Variants in GIGYF2 observed in about 807,000 individuals in gnomAD.
The protein encoded by GIGYF2 is GRB10 interacting GYF protein 2, also known as GRB10-interacting GYF protein 2.
In GIGYF2, 25 loss-of-function variants were observed where a neutral mutation model predicts 208.1. The ratio of observed to expected loss-of-function variants is 0.12; its 90% CI spans 0.09 to 0.17. The LOEUF is 0.17. Ranked by LOEUF, GIGYF2 falls within the 10% of genes least tolerant of loss-of-function variation. GIGYF2 has a pLI of 1.00. For missense variants in GIGYF2, 1,302 were observed against 1,579.4 expected, an observed-to-expected ratio of 0.82 and a Z score of 2.98; for synonymous variants, 534 against 543.8, an observed-to-expected ratio of 0.98 and a Z score of 0.25.
At chr2:232,796,289 A>G in intron 14 of GIGYF2, 68 bp downstream of exon 14, 1 of 1,003,148 alleles carries the variant, frequency 1.0e-6, no homozygotes, top group South Asian at 1.3e-5. Context: ...CTAAGAAGGG[A>G]TTTGTTTAAT....
intron 8 of GIGYF2, among the ~76,000 whole-genome samples, chr2:232,774,186 A>G (rs1188108460): frequency 6.6e-6 from 1 of 152,120 alleles, no homozygotes; most frequent in Non-Finnish European, 1.5e-5. Context: ...AATATTATAC[A>G]TTCTGAGTCC....
chr2:232,783,395 T>G (rs962985350), intron 8 of GIGYF2, among the ~76,000 whole-genome samples: 5 of 152,176 alleles, frequency 3.3e-5, no homozygotes, highest in Non-Finnish European at 5.9e-5. Flanking sequence ...ATTTTTTAAT[T>G]ATTTTGTTTT....
intron 18 of GIGYF2, among the ~76,000 whole-genome samples, chr2:232,815,253 T>A (rs1467343453): frequency 6.6e-6 from 1 of 152,204 alleles, no homozygotes. Context: ...GAAATCTATG[T>A]GCTTTGGAGT....
chr2:232,714,660 A>G (rs1246930072), intron 2 of GIGYF2, among the ~76,000 whole-genome samples: 1 of 152,150 alleles, frequency 6.6e-6, no homozygotes, highest in Non-Finnish European at 1.5e-5. Context: ...CATTATCCCC[A>G]GAAGTTTCCC....
intron 19 of GIGYF2, 162 bp downstream of exon 19, chr2:232,815,899 C>CT: frequency 5.0e-6 from 3 of 601,006 alleles, no homozygotes; most frequent in Non-Finnish European, 8.9e-6. Context: ...GTGCTCTCTT[C>CT]TCCCAAAAAA....
intron 13 of GIGYF2, among the ~76,000 whole-genome samples, chr2:232,795,662 C>T (rs1004586695): frequency 6.6e-6 from 1 of 152,020 alleles, no homozygotes; most frequent in African/African-American, 2.4e-5. Context: ...CTTGGGGAGG[C>T]TGAGGTAGGA....
intron 26 of GIGYF2, among the ~76,000 whole-genome samples, chr2:232,846,276 C>G (rs896688862): frequency 6.6e-6 from 1 of 152,166 alleles, no homozygotes; most frequent in African/African-American, 2.4e-5. Flanking sequence ...ACATCATTCC[C>G]TTTCTACCTT....
intron 1 of GIGYF2, among the ~76,000 whole-genome samples, chr2:232,701,706 G>T (rs1695853999): frequency 6.6e-6 from 1 of 151,928 alleles, no homozygotes; most frequent in Non-Finnish European, 1.5e-5. Flanking sequence ...TTATAGGCAT[G>T]AGCCACTGTG....
At chr2:232,702,845 A>G (rs561128499) in intron 1 of GIGYF2, among the ~76,000 whole-genome samples, 13 of 152,240 alleles carry the variant, frequency 8.5e-5, no homozygotes, top group African/African-American at 2.9e-4. Flanking sequence ...CCCAGGCTGG[A>G]GTGCAGTGGT....
chr2:232,847,474 C>A lies in GIGYF2; in HGVS notation c.3587C>A (p.Ala1196Asp). ...EFAKQFLERR[A>D]KQKANQQRQQ... ...GCCAAGCAGTTCCTTGAGCGCCGTG[C>A]CAAACAGAAAGCCAACCAGCAGCGT... The change falls in exon 27 of 29, where the codon GCC (alanine) becomes GAC (aspartate). Residue 1196 changes from alanine (A) to aspartate (D), a missense_variant. Ala to Asp is a moderately radical substitution (Grantham distance 126). Transcript: ENST00000373563. The A allele has an allele frequency of 6.2e-7, 1 of 1,613,414 alleles. No individual in the cohort carries two copies.
At chr2:232,716,629 C>T (rs1190151966) in intron 2 of GIGYF2, among the ~76,000 whole-genome samples, 2 of 151,954 alleles carry the variant, frequency 1.3e-5, no homozygotes, top group African/African-American at 4.8e-5. Context: ...TGTGATCTGC[C>T]GCCTTGGCCT....
chr2:232,833,024 G>T lies in GIGYF2; in HGVS notation c.2697G>T (p.Arg899Ser), dbSNP rs759797191. 1.3e-6 allele frequency: 2 copies of T among 1,564,576 alleles called. No homozygotes were observed. The highest frequency in any genetic ancestry group is 8.7e-7 in the Non-Finnish European group (1 of 1,154,156). Reference sequence around the variant, plus strand: ...GGCAGAAGGAGTTAATGCGCCAGAGGCAGCAGCAGCAAGAGGCTCTCCGGA... The same window carrying T: ...GGCAGAAGGAGTTAATGCGCCAGAGTCAGCAGCAGCAAGAGGCTCTCCGGA... The part of the protein sequence containing the change: ...VQRQKELMRQ[R>S]QQQQEALRRL... Residue 899 changes from arginine to serine, a missense_variant, in exon 22 of 29, where the codon AGG (arginine) becomes AGT (serine). Coordinates refer to ENST00000373563, the MANE Select transcript of GIGYF2 (RefSeq NM_001103146.3).
intron 9 of GIGYF2, chr2:232,788,516 C>G (rs1161165389): frequency 2.1e-6 from 1 of 467,786 alleles, no homozygotes; most frequent in South Asian, 1.6e-5. Context: ...ATGTTCCCAA[C>G]AAGCATTCAG....
intron 3 of GIGYF2, chr2:232,736,169 A>G (rs1393637503): frequency 7.1e-6 from 7 of 981,110 alleles, no homozygotes; most frequent in Middle Eastern, 1.0e-3. Flanking sequence ...AGAAATCACT[A>G]TTTGAAGTTC....
chr2:232,703,287 A>G (rs1695938800), intron 1 of GIGYF2, 137 bp from the exon 2 acceptor site: 1 of 152,570 alleles, frequency 6.6e-6, no homozygotes, highest in African/African-American at 2.4e-5. Flanking sequence ...TAGTTTATAA[A>G]TACACCAGGT....
At chr2:232,706,402 G>A (rs571701628) in intron 2 of GIGYF2, among the ~76,000 whole-genome samples, 42 of 152,326 alleles carry the variant, frequency 2.8e-4, no homozygotes, top group Non-Finnish European at 4.9e-4. Context: ...CCAGCATGTT[G>A]GGAGGTTGAG....
chr2:232,759,285 A>G (rs79182291), intron 6 of GIGYF2, among the ~76,000 whole-genome samples: 4,196 of 152,242 alleles, frequency 0.028, 70 homozygotes, highest in Non-Finnish European at 0.033. Flanking sequence ...GTCATTGTGC[A>G]CTGTGAGAAA....
rs1414208550 is a variant in GIGYF2 at position 232,857,586 on chromosome 2, T to G, written c.*726T>G. On this transcript the variant is annotated 3_prime_UTR_variant, in exon 29 of 29. Transcript: ENST00000373563. ...TGATCTCCCCTGGCATGCTCCAACC[T>G]GATTGGACAAAGGAAGCTCTATGGC... 6.5e-6 allele frequency: 1 copy of G among 152,672 alleles called. No homozygotes were observed. Among genetic ancestry groups the G allele is most frequent in the African/African-American group, 2.4e-5 (1 of 41,450 alleles). The allele number at this position is 152,672 out of a possible 1,614,324, so 9.5% of individuals were successfully genotyped here.
At chr2:232,761,312 T>C (rs1169471962) in intron 7 of GIGYF2, 84 bp from the exon 8 acceptor site, 1 of 859,364 alleles carries the variant, frequency 1.2e-6, no homozygotes, top group East Asian at 2.5e-5. Context: ...GAAATGCTTT[T>C]AGAAAAATGG....
Sources: gnomAD v4.1 joint callset for allele counts (sites outside exome capture counted in the v4.1 genomes callset) on GRCh38, gnomAD v4.1.1 for gene constraint, MANE v1.5 for transcripts, NCBI Gene and HGNC (gene_info 2026-07-23, HGNC 2026-07-21) for gene names.